MRC2: variants seen among roughly 807,000 people sequenced by gnomAD.
MRC2 encodes the protein C-type mannose receptor 2.
A neutral mutation model predicts 206.2 loss-of-function variants in MRC2; 84 were observed. The observed-to-expected ratio is 0.41, with a 90% CI of 0.34 to 0.49. The LOEUF is 0.49. Ranked by LOEUF, MRC2 falls within the 20% of genes least tolerant of loss-of-function variation. MRC2 has a pLI of 0.31. For synonymous variants in MRC2, 798 were observed against 800.0 expected, an observed-to-expected ratio of 1.00 and a Z score of 0.04; for missense variants, 1,676 against 2,001.5, an observed-to-expected ratio of 0.84 and a Z score of 3.10.
In MRC2 at chr17:62,664,746, C is replaced by T; in HGVS notation, c.317C>T (p.Ser106Phe). ...TGGCCAGGCACCAACACCACGGCCT[C>T]CCTGGGCATGTATGAGTGTGACCGG... ...TGWPGTNTTA[S>F]LGMYECDREA... The change falls in exon 2 of 30, where the codon TCC becomes TTC. Residue 106 changes from serine (S) to phenylalanine (F), a missense_variant. Ser to Phe is a radical substitution (Grantham distance 155). Around this residue, in one of 3 missense-constraint regions of MRC2, gnomAD observed 318 missense variants for 346.7 expected, o/e 0.92. Transcript: ENST00000303375. This position sits in a 1 kb window ranked among gnomAD's most constrained non-coding sequence, Gnocchi z 4.7. The T allele has an allele frequency of 6.2e-7, 1 of 1,614,026 alleles. No individual in the cohort carries two copies. Among genetic ancestry groups the T allele is most frequent in the East Asian group, 2.2e-5 (1 of 44,878 alleles).
intron 1 of MRC2, among the ~76,000 whole-genome samples, chr17:62,639,701 T>C (rs1228744183): frequency 1.3e-5 from 2 of 152,204 alleles, no homozygotes; most frequent in Non-Finnish European, 2.9e-5. Flanking sequence ...CATAGTTCAC[T>C]ACAGCCTCAA....
intron 1 of MRC2, among the ~76,000 whole-genome samples, chr17:62,634,827 C>T (rs1342965536): frequency 6.7e-6 from 1 of 150,270 alleles, no homozygotes; most frequent in East Asian, 2.0e-4. Flanking sequence ...ACCTCTGATA[C>T]AACTTTTTTT....
At chr17:62,685,452 A>G (rs1385007564) in intron 20 of MRC2, among the ~76,000 whole-genome samples, 1 of 152,096 alleles carries the variant, frequency 6.6e-6, no homozygotes, top group Non-Finnish European at 1.5e-5. Flanking sequence ...TTTAAACAGA[A>G]TGTATTTTAT....
chr17:62,677,235 C>G, intron 11 of MRC2, 34 bp from the exon 12 acceptor site: 1 of 1,516,972 alleles, frequency 6.6e-7, no homozygotes, highest in Non-Finnish European at 8.9e-7. Flanking sequence ...ATGAATCCTT[C>G]TCAGAGCCTG....
At chr17:62,676,590 C>G in intron 11 of MRC2, 59 bp downstream of exon 11, 5 of 1,531,478 alleles carry the variant, frequency 3.3e-6, no homozygotes, top group Non-Finnish European at 4.4e-6. Context: ...GGTGGACTGG[C>G]CCTGCCAGCA....
chr17:62,655,226 C>T (rs530597323), intron 1 of MRC2, among the ~76,000 whole-genome samples: 1 of 150,236 alleles, frequency 6.7e-6, no homozygotes, highest in Non-Finnish European at 1.5e-5. Context: ...GTGGAGCCTG[C>T]AGTGAGTGGA....
rs2088715929 is a variant in MRC2, at chr17:62,664,112, A to G, written c.119-436A>G. Among the ~76,000 whole-genome samples, 2 of 151,502 alleles carry G rather than the reference A, an allele frequency of 1.3e-5. 1 individual carries two copies. Among genetic ancestry groups the G allele is most frequent in the South Asian group, 4.2e-4 (2 of 4,778 alleles). On this transcript the variant is annotated intron_variant, in intron 1 of 29. Coordinates refer to ENST00000303375, the MANE Select transcript of MRC2 (RefSeq NM_006039.5). The surrounding 1 kb of genome is among the most constrained non-coding windows in gnomAD (Gnocchi z 4.7). ...GTAGCTGGGACTACAGGCGCCCGCC[A>G]CTACGCCCGGCTAATTTTTTGTATT... is the stretch of plus-strand genomic sequence containing the variant.
rs1050755407 is a variant in MRC2 at position 62,653,863 on chromosome 17, C to G, written c.119-10685C>G. Among the ~76,000 whole-genome samples the G allele has an allele frequency of 2.6e-5, 4 of 151,918 alleles. No individual in the cohort carries two copies. The East Asian group carries it at 7.8e-4, about 29-fold the overall frequency. ...GTATTGGGCTTCGATATCATGTAAC[C>G]CCCGTCCTCCATGGAAGCAATGCCC... is the stretch of plus-strand genomic sequence containing the variant. On this transcript the variant is annotated intron_variant, in intron 1 of 29. Transcript: ENST00000303375.
chr17:62,650,826 G>A (rs1307868005), intron 1 of MRC2, among the ~76,000 whole-genome samples: 1 of 152,138 alleles, frequency 6.6e-6, no homozygotes, highest in African/African-American at 2.4e-5. Context: ...TGTGGTGCTG[G>A]TGTAATGATC....
At chr17:62,651,902 C>T (rs1222374740) in intron 1 of MRC2, among the ~76,000 whole-genome samples, 1 of 152,238 alleles carries the variant, frequency 6.6e-6, no homozygotes, top group Non-Finnish European at 1.5e-5. Context: ...CTCAGTTTCT[C>T]AGGAACTAAT....
At chr17:62,646,023 ATTTT>A (rs34679697) in intron 1 of MRC2, among the ~76,000 whole-genome samples, 4 of 106,392 alleles carry the variant, frequency 3.8e-5, no homozygotes, top group Non-Finnish European at 7.9e-5. Flanking sequence ...GTCCTTTTCT[ATTTT>A]TTTTTTTTTT....
intron 1 of MRC2, among the ~76,000 whole-genome samples, chr17:62,654,711 C>A (rs537653880): frequency 6.6e-6 from 1 of 152,266 alleles, no homozygotes; most frequent in East Asian, 1.9e-4. Flanking sequence ...GCCTCAGTGA[C>A]CATCAAGGAG....
rs2089133979 is a variant in MRC2, at chr17:62,693,351, G to C, written c.*900G>C. 1 of 152,588 alleles carries C rather than the reference G, an allele frequency of 6.6e-6. No individual in the cohort carries two copies. 9.5% of individuals were successfully genotyped at this position (152,588 alleles called of 1,614,324 possible). A position where few individuals can be genotyped will look rare whatever the true frequency, so the allele number is the denominator to read the frequency against. ...GGGAGGGCCCAGAGTTCACCCTCTAGTGGATCCAGGAGGAGCAGCACCCGA... is the reference window on the plus strand; with the variant it reads ...GGGAGGGCCCAGAGTTCACCCTCTACTGGATCCAGGAGGAGCAGCACCCGA... On this transcript the variant is annotated 3_prime_UTR_variant, in exon 30 of 30. Transcript: ENST00000303375.
In MRC2 at chr17:62,681,934, C is replaced by T. The variant is rs747916685; in HGVS notation, c.2800C>T (p.Arg934Ter). ...GAAGTGCGTGTACATGACAGCCAGC[C>T]GAGGTGAGGGCAAGGTGGGGGCAGA... is the stretch of plus-strand genomic sequence containing the variant. The part of the protein sequence containing the change: ...DKKCVYMTAS[R>*]EDWGDQRCLT... The change falls in exon 19 of 30, where the codon CGA becomes TGA. Residue 934 changes from arginine to a stop codon, truncating the protein, a stop_gained. Coordinates refer to ENST00000303375, the MANE Select transcript of MRC2 (RefSeq NM_006039.5). LOFTEE classifies it high-confidence loss of function. The T allele has an allele frequency of 3.7e-6, 6 of 1,613,110 alleles. No individual in the cohort carries two copies. Among genetic ancestry groups the T allele is most frequent in the African/African-American group, 2.7e-5 (2 of 74,910 alleles).
intron 6 of MRC2, among the ~76,000 whole-genome samples, chr17:62,670,982 G>T (rs1568063556): frequency 6.6e-6 from 1 of 152,210 alleles, no homozygotes; most frequent in Non-Finnish European, 1.5e-5. Context: ...AGCCAAGCTT[G>T]AATCTCATAG....
chr17:62,690,236 G>A lies in MRC2; in HGVS notation c.3823G>A (p.Glu1275Lys). 6.2e-7 allele frequency: 1 copy of A among 1,613,488 alleles called. No individual in the cohort carries two copies. Among genetic ancestry groups the A allele is most frequent in the Non-Finnish European group, 8.5e-7 (1 of 1,179,728 alleles). ...LADSAWIPFR[E>K]HCYSFHMELL... Reference sequence around the variant, plus strand: ...AGACTCCGCGTGGATTCCCTTCCGGGAGCACTGCTATTCTTTCCACATGGA... The same window carrying A: ...AGACTCCGCGTGGATTCCCTTCCGGAAGCACTGCTATTCTTTCCACATGGA... The change falls in exon 26 of 30, where the codon GAG becomes AAG. Residue 1275 changes from glutamate to lysine, a missense_variant. This residue lies in a region of MRC2 where 1,354 missense variants were observed against 1,636.6 expected (regional missense o/e 0.83). Coordinates refer to ENST00000303375, the MANE Select transcript of MRC2 (RefSeq NM_006039.5).
rs745647880 is a variant in MRC2, at chr17:62,688,890, C to A, written c.3264C>A (p.His1088Gln). 1.1e-5 allele frequency: 18 copies of A among 1,613,468 alleles called. No homozygotes were observed. Among genetic ancestry groups the A allele is most frequent in the Non-Finnish European group, 1.5e-5 (18 of 1,180,016 alleles). ...TGGTCCTGCACAGCCCCTCAGCCCA[C>A]TTCACTGGCCGCTGGGACGATCGGA... The part of the protein sequence containing the change: ...CAVVLHSPSA[H>Q]FTGRWDDRSC... The change falls in exon 23 of 30, where the codon CAC (histidine) becomes CAA (glutamine). Residue 1088 changes from histidine (H) to glutamine (Q), a missense_variant. By Grantham distance (24) the His-to-Gln change is conservative. This residue lies in a region of MRC2 where 1,354 missense variants were observed against 1,636.6 expected (regional missense o/e 0.83). Coordinates refer to ENST00000303375, the MANE Select transcript of MRC2 (RefSeq NM_006039.5).
intron 6 of MRC2, among the ~76,000 whole-genome samples, chr17:62,669,561 G>C (rs61683020): frequency 6.6e-6 from 1 of 150,388 alleles, no homozygotes; most frequent in African/African-American, 2.5e-5. Context: ...ACAGAGTCTC[G>C]CTCTGTCGCC....
chr17:62,643,912 G>C (rs1245843343), intron 1 of MRC2, among the ~76,000 whole-genome samples: 2 of 152,008 alleles, frequency 1.3e-5, no homozygotes, highest in African/African-American at 2.4e-5. Context: ...AGTGAAAAAA[G>C]ATCCAAAAAT....
Sources: gnomAD v4.1 joint callset for allele counts (sites outside exome capture counted in the v4.1 genomes callset) on GRCh38, gnomAD v4.1.1 for gene constraint, gnomAD v4.1.1 regional missense constraint, Gnocchi (gnomAD v3.1) non-coding constraint, MANE v1.5 for transcripts, NCBI Gene and HGNC (gene_info 2026-07-23, HGNC 2026-07-21) for gene names.